Variants in UNC80 observed in about 807,000 individuals in gnomAD.
The protein encoded by UNC80 is unc-80 subunit of NALCN channel complex.
UNC80 carries 164 observed loss-of-function variants against 384.6 expected under a neutral mutation model. The observed-to-expected ratio is 0.43, with a 90% confidence interval of 0.38 to 0.49. The LOEUF (loss-of-function observed/expected upper bound fraction) is 0.49. Among genes scored for constraint, UNC80 ranks in the 20% least tolerant of loss-of-function variants. The pLI, the probability that UNC80 is intolerant of heterozygous loss-of-function variation, is 0.00. For missense variants in UNC80, 3,330 were observed against 4,143.0 expected (o/e 0.80, Z 5.39); for synonymous variants, 1,486 against 1,527.8 (o/e 0.97, Z 0.64).
chr2:209,875,427 G>A (rs1424261108), intron 23 of UNC80, among the ~76,000 whole-genome samples: 1 of 152,084 alleles, frequency 6.6e-6, no homozygotes, highest in Admixed American at 6.6e-5. Context: ...TCCTCCTAAT[G>A]TATGTTCAAT....
At chr2:209,873,754 A>G (rs1293448111) in intron 23 of UNC80, among the ~76,000 whole-genome samples, 1 of 152,176 alleles carries the variant, frequency 6.6e-6, no homozygotes, top group Non-Finnish European at 1.5e-5. Context: ...AATTTCCGTT[A>G]ATAATTCAGC....
At chr2:209,777,656 A>G (rs2076941153) in intron 4 of UNC80, 97 bp downstream of exon 4, 1 of 1,333,928 alleles carries the variant, frequency 7.5e-7, no homozygotes, top group Non-Finnish European at 1.0e-6. Context: ...ATGTCTTTGT[A>G]TGACCTTACA....
rs1449552868 is a variant in UNC80, at chr2:209,976,414, G to A, written c.8772+111G>A. ...TCATGGTACCTACTGTTGCCAGTTA[G>A]TAGGGCCTGTTAATACCATGCTTGA... On this transcript the variant is annotated intron_variant, in intron 57 of 64. Coordinates refer to ENST00000673920, the MANE Select transcript of UNC80 (RefSeq NM_001371986.1). The surrounding 1 kb of genome is among the most constrained non-coding windows in gnomAD (Gnocchi z 4.3). 2.9e-6 allele frequency: 4 copies of A among 1,365,252 alleles called. No homozygotes were observed. Among genetic ancestry groups the A allele is most frequent in the East Asian group, 2.5e-5 (1 of 39,852 alleles). 84.6% of individuals were successfully genotyped at this position (1,365,252 alleles called of 1,614,324 possible). A position where few individuals can be genotyped will look rare whatever the true frequency, so the allele number is the denominator to read the frequency against.
At chr2:209,858,880 T>TG (rs564903102) in intron 22 of UNC80, among the ~76,000 whole-genome samples, 157 of 152,238 alleles carry the variant, frequency 1.0e-3, no homozygotes, top group Non-Finnish European at 1.9e-3. Flanking sequence ...TGTGCATGTG[T>TG]GTGTTTGTTT....
chr2:209,780,400 C>A (rs2077090614), intron 4 of UNC80, among the ~76,000 whole-genome samples: 1 of 152,060 alleles, frequency 6.6e-6, no homozygotes, highest in South Asian at 2.1e-4. Flanking sequence ...GTTCTTGAAG[C>A]TGTAGAGAAT....
chr2:209,955,216 C>T lies in UNC80; in HGVS notation c.7457+946C>T, dbSNP rs189057651. Among the ~76,000 whole-genome samples, 152 of 152,162 alleles carry T rather than the reference C, an allele frequency of 1.0e-3. 1 individual carries two copies. Among genetic ancestry groups the T allele is most frequent in the African/African-American group, 3.6e-3 (149 of 41,532 alleles). ...CCTTAGTGTGAAATTGTCTACGCCT[C>T]CACCAAAAGGCACCAACTCCCCCAG... On this transcript the variant is annotated intron_variant, in intron 48 of 64. Coordinates refer to ENST00000673920, the MANE Select transcript of UNC80 (RefSeq NM_001371986.1).
At chr2:209,930,036 C>T in intron 37 of UNC80, 65 bp downstream of exon 37, 2 of 1,171,058 alleles carry the variant, frequency 1.7e-6, no homozygotes, top group South Asian at 1.7e-5. Flanking sequence ...TAAAATCATG[C>T]AAAGAACTTT....
intron 47 of UNC80, among the ~76,000 whole-genome samples, chr2:209,950,402 T>C (rs536496738): frequency 2.0e-5 from 3 of 152,226 alleles, no homozygotes; most frequent in African/African-American, 7.2e-5. Context: ...ATACTGGGAA[T>C]TTTTGCTCCC....
intron 6 of UNC80, among the ~76,000 whole-genome samples, chr2:209,791,911 A>G (rs2077833441): frequency 6.6e-6 from 1 of 151,100 alleles, no homozygotes; most frequent in African/African-American, 2.4e-5. Context: ...ACTGTCCAAT[A>G]TGATAGCCTC....
chr2:209,897,002 G>A (rs1331197494), intron 28 of UNC80, among the ~76,000 whole-genome samples: 3 of 152,084 alleles, frequency 2.0e-5, no homozygotes, highest in Non-Finnish European at 4.4e-5. Flanking sequence ...GGTATCCCCA[G>A]GACCATCACG....
chr2:209,786,283 A>C, intron 5 of UNC80, 94 bp downstream of exon 5: 1 of 1,445,498 alleles, frequency 6.9e-7, no homozygotes. Context: ...AAGAAGTCAA[A>C]AAGAAGCAAA....
intron 15 of UNC80, among the ~76,000 whole-genome samples, chr2:209,830,812 A>G (rs1245434113): frequency 6.6e-6 from 1 of 152,184 alleles, no homozygotes; most frequent in Non-Finnish European, 1.5e-5. Context: ...GTGAGCAAGA[A>G]GGAGGTGGCT....
At chr2:209,885,172 T>C (rs2085669891) in intron 25 of UNC80, among the ~76,000 whole-genome samples, 1 of 151,870 alleles carries the variant, frequency 6.6e-6, no homozygotes, top group African/African-American at 2.4e-5. Flanking sequence ...ACAAAACTAA[T>C]GAATATTTAT....
chr2:209,845,414 GT>G (rs2082102743), intron 21 of UNC80, among the ~76,000 whole-genome samples: 2 of 152,182 alleles, frequency 1.3e-5, no homozygotes, highest in Non-Finnish European at 2.9e-5. Context: ...TCTTATTCAT[GT>G]TCCAAACACA....
intron 18 of UNC80, among the ~76,000 whole-genome samples, chr2:209,836,346 AT>A (rs138450605): frequency 0.26 from 38,818 of 151,264 alleles, 5,649 homozygotes; most frequent in Non-Finnish European, 0.33. Context: ...AAAAGAAGAG[AT>A]TTTTTTTTTC....
In UNC80 at chr2:209,976,729, T is replaced by G. The variant is rs1158751555; in HGVS notation, c.8773-184T>G. 1.3e-5 allele frequency among the ~76,000 whole-genome samples: 2 copies of G among 152,198 alleles called. No individual in the cohort carries two copies. Among genetic ancestry groups the G allele is most frequent in the Non-Finnish European group, 2.9e-5 (2 of 68,036 alleles). On this transcript the variant is annotated intron_variant, in intron 57 of 64. Transcript: ENST00000673920. The surrounding 1 kb of genome is among the most constrained non-coding windows in gnomAD (Gnocchi z 4.3). ...CATCTACACTTGGTCTTTTCATGCC[T>G]CAGTTTCTTAGGGCAGTGATTTAAA...
intron 42 of UNC80, among the ~76,000 whole-genome samples, chr2:209,938,887 C>G (rs1038113473): frequency 6.6e-6 from 1 of 152,084 alleles, no homozygotes; most frequent in Admixed American, 6.6e-5. Context: ...CAGAAGTTTC[C>G]TCAGTAGCTA....
chr2:209,789,676 G>T (rs921493779), intron 6 of UNC80, 71 bp downstream of exon 6: 6 of 1,122,624 alleles, frequency 5.3e-6, no homozygotes, highest in Admixed American at 1.9e-5. Flanking sequence ...TGAAGGGAAA[G>T]ACATGAGTTC....
intron 47 of UNC80, among the ~76,000 whole-genome samples, chr2:209,950,714 A>G (rs750582252): frequency 6.6e-5 from 10 of 151,770 alleles, no homozygotes; most frequent in Non-Finnish European, 1.2e-4. Context: ...ATGTGCCACC[A>G]CACCTGGCTA....
Sources: gnomAD v4.1 joint callset for allele counts (sites outside exome capture counted in the v4.1 genomes callset) on GRCh38, gnomAD v4.1.1 for gene constraint, Gnocchi (gnomAD v3.1) non-coding constraint, MANE v1.5 for transcripts, NCBI Gene and HGNC (gene_info 2026-07-23, HGNC 2026-07-21) for gene names.